Variants in ZNF618 observed in about 807,000 individuals in gnomAD.
ZNF618 encodes neural precursor cell expressed, developmentally down-regulated 10.
In ZNF618, 34 loss-of-function variants were observed where a neutral mutation model predicts 103.0. That is an observed-to-expected ratio of 0.33 (90% CI 0.25 to 0.44). The LOEUF is 0.44. Ranked by LOEUF, ZNF618 falls within the 20% of genes least tolerant of loss-of-function variation. ZNF618 has a pLI of 1.00. For synonymous variants in ZNF618, 551 were observed against 542.2 expected (o/e 1.02, Z -0.23); for missense variants, 1,059 against 1,295.4 (o/e 0.82, Z 2.80).
At chr9:113,935,791 C>G (rs1284466413) in intron 1 of ZNF618, among the ~76,000 whole-genome samples, 1 of 152,136 alleles carries the variant, frequency 6.6e-6, no homozygotes, top group African/African-American at 2.4e-5. Context: ...TACTCAGGAC[C>G]TGCTCGGCGA....
chr9:114,000,583 A>AC (rs78178629), intron 4 of ZNF618, among the ~76,000 whole-genome samples: 43,776 of 151,836 alleles, frequency 0.29, 7,969 homozygotes, highest in East Asian at 0.61. Context: ...AAAAGGTTGG[A>AC]CCCCCCTGAG....
At chr9:113,994,127 T>A (rs777901779) in intron 3 of ZNF618, among the ~76,000 whole-genome samples, 1 of 152,074 alleles carries the variant, frequency 6.6e-6, no homozygotes, top group African/African-American at 2.4e-5. Flanking sequence ...CTCACACACA[T>A]AGGGCAGCCC....
intron 1 of ZNF618, among the ~76,000 whole-genome samples, chr9:113,902,291 A>C (rs1284657415): frequency 6.6e-6 from 1 of 152,218 alleles, no homozygotes; most frequent in African/African-American, 2.4e-5. Flanking sequence ...GATTAAATGA[A>C]TTAATACATG....
chr9:114,033,466 G>T (rs1031250301), intron 12 of ZNF618, among the ~76,000 whole-genome samples: 26 of 151,896 alleles, frequency 1.7e-4, no homozygotes, highest in African/African-American at 6.3e-4. Flanking sequence ...TTTTGGCCCT[G>T]GAGCCACTGG....
chr9:114,004,118 G>C (rs1841510945), intron 6 of ZNF618, among the ~76,000 whole-genome samples: 1 of 152,226 alleles, frequency 6.6e-6, no homozygotes, highest in African/African-American at 2.4e-5. Flanking sequence ...AGTTTGAAGA[G>C]ATGGCGATGG....
At chr9:113,928,236 T>C (rs1246143665) in intron 1 of ZNF618, among the ~76,000 whole-genome samples, 1 of 152,238 alleles carries the variant, frequency 6.6e-6, no homozygotes, top group Admixed American at 6.5e-5. Context: ...TCTGTTGCTG[T>C]GTATCTGATT....
chr9:113,967,423 G>A (rs1490365591), intron 1 of ZNF618, among the ~76,000 whole-genome samples: 1 of 152,034 alleles, frequency 6.6e-6, no homozygotes, highest in Non-Finnish European at 1.5e-5. Flanking sequence ...CTTCCTCCCC[G>A]ACCTCACATT....
chr9:113,979,314 C>T (rs1838771701), intron 2 of ZNF618, among the ~76,000 whole-genome samples: 1 of 152,198 alleles, frequency 6.6e-6, no homozygotes, highest in Middle Eastern at 3.2e-3. Context: ...GGCGACCCTG[C>T]ACCCTCAAGA....
rs772820736 is a variant in ZNF618, at chr9:114,050,103, G to A, written c.2801G>A (p.Arg934Gln). The A allele has an allele frequency of 3.9e-5, 63 of 1,608,576 alleles. No individual in the cohort carries two copies. Among genetic ancestry groups the A allele is most frequent in the Non-Finnish European group, 5.3e-5 (62 of 1,178,242 alleles). Reference sequence around the variant, plus strand: ...TGTGAACAAGCGCTTCTAATCAAACGGAGGCGGCTGCTCAGTCCAGAAGAT... The same window carrying A: ...TGTGAACAAGCGCTTCTAATCAAACAGAGGCGGCTGCTCAGTCCAGAAGAT... ...NMCEQALLIK[R>Q]RRLLSPEDMN... is the part of the protein sequence containing the mutation. Residue 934 changes from arginine (R) to glutamine (Q), a missense_variant, in exon 15 of 15, where the codon CGG (arginine) becomes CAG (glutamine). By Grantham distance (43) the Arg-to-Gln change is conservative (BLOSUM62 1). Around this residue, in one of 6 missense-constraint regions of ZNF618, gnomAD observed 156 missense variants for 197.1 expected, o/e 0.79. Transcript: ENST00000374126.
At chr9:113,914,139 C>T (rs1201619672) in intron 1 of ZNF618, among the ~76,000 whole-genome samples, 3 of 152,054 alleles carry the variant, frequency 2.0e-5, no homozygotes, top group African/African-American at 4.8e-5. Flanking sequence ...GAGTTATTAC[C>T]CCAGGAGAGA....
At chr9:114,037,374 C>T (rs1420967588) in intron 13 of ZNF618, among the ~76,000 whole-genome samples, 2 of 152,170 alleles carry the variant, frequency 1.3e-5, no homozygotes, top group East Asian at 3.9e-4. Context: ...ACAAGTGACA[C>T]CTGTAAATGC....
chr9:113,993,900 A>G (rs912336740), intron 3 of ZNF618, among the ~76,000 whole-genome samples: 6 of 152,158 alleles, frequency 3.9e-5, no homozygotes, highest in Admixed American at 6.5e-5. Flanking sequence ...GGGGATTTCA[A>G]CTCAGTAAAA....
Position 114,027,256 on chromosome 9 carries a change from C to G in ZNF618, c.845-1477C>G, listed in dbSNP as rs115810791. ...ACCCAAGACTTCTCAGTTCCTGATT[C>G]AGGAAGGGAGAGTCCCAAGAGTGGC... On this transcript the variant is annotated intron_variant, in intron 10 of 14. Coordinates refer to ENST00000374126, the MANE Select transcript of ZNF618 (RefSeq NM_001318042.2). Among the ~76,000 whole-genome samples, 843 of 152,294 alleles carry G rather than the reference C, an allele frequency of 5.5e-3. 4 individuals carry two copies. The highest frequency in any genetic ancestry group is 0.02 in the African/African-American group (820 of 41,550).
chr9:113,879,697 G>A (rs901934670), intron 1 of ZNF618, among the ~76,000 whole-genome samples: 1 of 151,586 alleles, frequency 6.6e-6, no homozygotes, highest in Non-Finnish European at 1.5e-5. Flanking sequence ...ATGATGGGCT[G>A]AATTATTTTG....
chr9:113,912,814 C>A (rs1027421660), intron 1 of ZNF618, among the ~76,000 whole-genome samples: 1 of 152,140 alleles, frequency 6.6e-6, no homozygotes, highest in African/African-American at 2.4e-5. Flanking sequence ...CCCTTGGCCT[C>A]ATTTTCCCCA....
Position 114,035,918 on chromosome 9 carries a change from C to G in ZNF618, c.1169-382C>G, listed in dbSNP as rs1844547980. On this transcript the variant is annotated intron_variant, in intron 12 of 14. Transcript: ENST00000374126. The stretch of plus-strand genomic sequence containing the variant: ...GGCAAATAGTGACCTCATGTGGTTC[C>G]AGAGAGAGAGCTGGGGCTGTGACAC... Among the ~76,000 whole-genome samples, 5 of 152,174 alleles carry G rather than the reference C, an allele frequency of 3.3e-5. No individual in the cohort carries two copies. The South Asian group carries it at 1.0e-3, about 32-fold the overall frequency.
intron 1 of ZNF618, among the ~76,000 whole-genome samples, chr9:113,877,466 G>A (rs1297604023): frequency 6.6e-6 from 1 of 151,300 alleles, no homozygotes; most frequent in Admixed American, 6.6e-5. Context: ...CACGAACGAA[G>A]GATTTAAAAG....
chr9:113,998,194 C>T, intron 3 of ZNF618, 65 bp from the exon 4 acceptor site: 1 of 1,463,814 alleles, frequency 6.8e-7, no homozygotes, highest in Non-Finnish European at 9.3e-7. Flanking sequence ...CAACTTCGCC[C>T]CTTCCCTAAC....
intron 1 of ZNF618, among the ~76,000 whole-genome samples, chr9:113,889,483 G>A (rs550617021): frequency 2.6e-5 from 4 of 152,310 alleles, no homozygotes; most frequent in Admixed American, 1.3e-4. Flanking sequence ...AGCCTCACCT[G>A]TTATGACTTA....
Sources: allele counts gnomAD v4.1 joint callset (sites outside exome capture counted in the v4.1 genomes callset), GRCh38; gene constraint gnomAD v4.1.1; regional missense constraint gnomAD v4.1.1; transcripts MANE v1.5; gene names NCBI Gene and HGNC (gene_info 2026-07-23, HGNC 2026-07-21).